The following MFSD11 variants were observed in gnomAD, a reference collection of about 807,000 sequenced individuals.
The protein encoded by MFSD11 is major facilitator superfamily domain containing 11.
MFSD11 carries 36 observed loss-of-function variants against 53.5 expected under a neutral mutation model. That is an observed-to-expected ratio of 0.67 (90% CI 0.52 to 0.89). The LOEUF (loss-of-function observed/expected upper bound fraction) is 0.89, where lower values mean the gene tolerates loss of function less well. Ranked by LOEUF, MFSD11 falls within the 40% of genes least tolerant of loss-of-function variation. The probability of loss-of-function intolerance (pLI) is 0.00; values close to 1 mark genes in which losing one functional copy is unlikely to be tolerated. For synonymous variants in MFSD11, 186 were observed against 184.9 expected (o/e 1.01, Z -0.05); for missense variants, 530 against 543.9 (o/e 0.97, Z 0.25).
chr17:76,742,550 T>C (rs1420550786), intron 5 of MFSD11, among the ~76,000 whole-genome samples: 1 of 152,098 alleles, frequency 6.6e-6, no homozygotes, highest in Admixed American at 6.6e-5. Context: ...TCACCTGGGC[T>C]GGAGTGCAAT....
chr17:76,757,475 C>T (rs2079767632), intron 8 of MFSD11, among the ~76,000 whole-genome samples: 1 of 152,062 alleles, frequency 6.6e-6, no homozygotes, highest in South Asian at 2.1e-4. Context: ...TTCATGTGGC[C>T]TGTGTGTGGC....
chr17:76,737,331 T>G, upstream of MFSD11: 1 of 866,334 alleles, frequency 1.2e-6, no homozygotes, highest in African/African-American at 1.7e-5. Context: ...GAGTAACAAC[T>G]GGGCGGGCAG....
chr17:76,775,525 G>A (rs1183928826), intron 11 of MFSD11, among the ~76,000 whole-genome samples: 7 of 152,264 alleles, frequency 4.6e-5, no homozygotes, highest in South Asian at 4.1e-4. Flanking sequence ...CCTGGCAACC[G>A]GGGAGGCCAT....
the MFSD11 span, among the ~76,000 whole-genome samples, chr17:76,803,791 CTT>C: frequency 1.3e-5 from 2 of 150,654 alleles, no homozygotes; most frequent in East Asian, 4.0e-4. Flanking sequence ...AATAATAAAA[CTT>C]TGGTTTCCCA....
At chr17:76,741,413 T>G (rs2078069684) in intron 3 of MFSD11, among the ~76,000 whole-genome samples, 1 of 152,210 alleles carries the variant, frequency 6.6e-6, no homozygotes, top group African/African-American at 2.4e-5. Flanking sequence ...TATAGTTCCA[T>G]GATGTGCTAA....
downstream of MFSD11, among the ~76,000 whole-genome samples, chr17:76,786,093 CAG>C (rs2082270775): frequency 7.7e-6 from 1 of 130,438 alleles, no homozygotes; most frequent in African/African-American, 2.8e-5. Context: ...AAAAAAAAAA[CAG>C]AGGTGTTCCT....
chr17:76,750,918 C>T (rs2079002757), intron 7 of MFSD11, among the ~76,000 whole-genome samples: 1 of 151,394 alleles, frequency 6.6e-6, no homozygotes, highest in Non-Finnish European at 1.5e-5. Context: ...ATTCTGCTGC[C>T]TCGGCCTCCC....
chr17:76,791,175 G>C, the MFSD11 span, among the ~76,000 whole-genome samples: 1 of 148,478 alleles, frequency 6.7e-6, no homozygotes, highest in African/African-American at 2.5e-5. Context: ...ATTAAATCTG[G>C]AAGTTTTGAT....
chr17:76,801,454 T>C, the MFSD11 span, among the ~76,000 whole-genome samples: 1 of 150,174 alleles, frequency 6.7e-6, no homozygotes, highest in African/African-American at 2.4e-5. Context: ...CATTTTTTTT[T>C]TTTTTTTTTT....
chr17:76,781,607 C>T (rs1163831730), downstream of MFSD11, among the ~76,000 whole-genome samples: 2 of 152,114 alleles, frequency 1.3e-5, no homozygotes, highest in Non-Finnish European at 2.9e-5. Flanking sequence ...TCTGTACAAC[C>T]CTGCTGGCAG....
Position 76,778,264 on chromosome 17 carries a change from T to G in MFSD11, c.1262T>G (p.Phe421Cys). The change falls in exon 13 of 13, where the codon TTT becomes TGT. Residue 421 changes from phenylalanine to cysteine, a missense_variant. Coordinates refer to ENST00000685175, the MANE Select transcript of MFSD11 (RefSeq NM_001242532.5). ...LHWQLLVMVI[F>C]GFFGTISFFT... ...TGGCAACTCCTGGTCATGGTGATAT[T>G]TGGGTTTTTTGGAACAATTTCTTTC... is the stretch of plus-strand genomic sequence containing the variant. 6.2e-7 allele frequency: 1 copy of G among 1,614,178 alleles called. No individual in the cohort carries two copies. The highest frequency in any genetic ancestry group is 8.5e-7 in the Non-Finnish European group (1 of 1,180,030).
At chr17:76,789,794 C>T in the MFSD11 span, among the ~76,000 whole-genome samples, 1 of 150,194 alleles carries the variant, frequency 6.7e-6, no homozygotes, top group Non-Finnish European at 1.5e-5. Context: ...TAACTGACCA[C>T]ACTTTCTCAG....
At position 76,763,427 on chromosome 17, in the gene MFSD11, C is replaced by T. The variant is rs191017131; in HGVS notation, c.683-3959C>T. Among the ~76,000 whole-genome samples, 28 of 152,080 alleles carry T rather than the reference C, an allele frequency of 1.8e-4. No homozygotes were observed. In the East Asian group the frequency reaches 5.0e-3, roughly 27 times the overall value. On this transcript the variant is annotated intron_variant, in intron 8 of 12. Transcript: ENST00000685175. ...TACAGGTGCATGCTACCCCTCCCGGCTAACTGTTATATTTTTTGTAGAGAT... is the reference window on the plus strand; with the variant it reads ...TACAGGTGCATGCTACCCCTCCCGGTTAACTGTTATATTTTTTGTAGAGAT...
Position 76,776,014 on chromosome 17 carries a change from G to C in MFSD11, c.1050-392G>C, listed in dbSNP as rs1385332244. Among the ~76,000 whole-genome samples the C allele has an allele frequency of 6.6e-6, 1 of 152,126 alleles. No homozygotes were observed. Among genetic ancestry groups the C allele is most frequent in the East Asian group, 1.9e-4 (1 of 5,198 alleles). ...TTATTTTGAGACAGAGTCTCACTCTGTCTGCCAGCCTAGAATGCAAGTGGC... is the reference window on the plus strand; with the variant it reads ...TTATTTTGAGACAGAGTCTCACTCTCTCTGCCAGCCTAGAATGCAAGTGGC... On this transcript the variant is annotated intron_variant, in intron 11 of 12. Coordinates refer to ENST00000685175, the MANE Select transcript of MFSD11 (RefSeq NM_001242532.5). This position sits in a 1 kb window ranked among gnomAD's most constrained non-coding sequence, Gnocchi z 4.2.
chr17:76,780,113 A>G (rs984220063), downstream of MFSD11, among the ~76,000 whole-genome samples: 4 of 152,116 alleles, frequency 2.6e-5, no homozygotes, highest in Non-Finnish European at 5.9e-5. Context: ...AAATCCAGAA[A>G]CCATAAAAAT....
At chr17:76,772,151 G>A (rs1208075735) in intron 10 of MFSD11, among the ~76,000 whole-genome samples, 1 of 152,108 alleles carries the variant, frequency 6.6e-6, no homozygotes, top group Non-Finnish European at 1.5e-5. Flanking sequence ...GCCAGGCACA[G>A]TGCTCACGCC....
intron 8 of MFSD11, among the ~76,000 whole-genome samples, chr17:76,762,902 CTT>C (rs2080429957): frequency 6.6e-6 from 1 of 150,908 alleles, no homozygotes; most frequent in Non-Finnish European, 1.5e-5. Flanking sequence ...CCCCACATTC[CTT>C]TGTTTCTACT....
chr17:76,765,554 C>G (rs1035623511), intron 8 of MFSD11, among the ~76,000 whole-genome samples: 1 of 150,664 alleles, frequency 6.6e-6, no homozygotes, highest in African/African-American at 2.5e-5. Flanking sequence ...CCTCAACCTC[C>G]CAGGCTCAAG....
the MFSD11 span, among the ~76,000 whole-genome samples, chr17:76,803,451 GA>G: frequency 1.3e-5 from 2 of 152,200 alleles, no homozygotes; most frequent in Non-Finnish European, 2.9e-5. Flanking sequence ...CACAAGATTA[GA>G]ATTTATGGTT....
Sources: allele counts gnomAD v4.1 joint callset (sites outside exome capture counted in the v4.1 genomes callset), GRCh38; gene constraint gnomAD v4.1.1; non-coding constraint Gnocchi (gnomAD v3.1); transcripts MANE v1.5; gene names NCBI Gene and HGNC (gene_info 2026-07-23, HGNC 2026-07-21).